PRRX2: variants seen among roughly 807,000 people sequenced by gnomAD.
PRRX2 encodes paired related homeobox 2.
PRRX2 carries 11 observed loss-of-function variants against 18.0 expected under a neutral mutation model. The observed-to-expected ratio is 0.61, with a 90% CI of 0.39 to 1.01. The LOEUF (loss-of-function observed/expected upper bound fraction) is 1.01. PRRX2 is among the 50% of genes least tolerant of loss of function. The pLI is 0.01. For missense variants in PRRX2, 387 were observed against 351.0 expected (o/e 1.10, Z -0.82); for synonymous variants, 177 against 154.8 (o/e 1.14, Z -1.06).
chr9:129,680,468 A>ACCCC (rs1222389125), intron 1 of PRRX2, among the ~76,000 whole-genome samples: 12 of 90,618 alleles, frequency 1.3e-4, no homozygotes, highest in South Asian at 4.9e-4. Context: ...TCTCTCTCCC[A>ACCCC]CCCCCCCCAC....
In PRRX2 at chr9:129,722,246, C is replaced by G; in HGVS notation, c.656C>G (p.Ser219Ter). The G allele has an allele frequency of 6.2e-7, 1 of 1,613,956 alleles. No homozygotes were observed. Among genetic ancestry groups the G allele is most frequent in the Non-Finnish European group, 8.5e-7 (1 of 1,179,978 alleles). ...STVPPYSPGS[S>*]GPATPGVNMA... ...GTGCCACCCTACAGCCCTGGGAGCT[C>G]AGGCCCCGCAACCCCAGGGGTCAAC... The change falls in exon 4 of 4, where the codon TCA (serine) becomes TGA (stop). Residue 219 changes from serine (S) to a stop codon, truncating the protein, a stop_gained. Coordinates refer to ENST00000372469, the MANE Select transcript of PRRX2 (RefSeq NM_016307.4). LOFTEE classifies it high-confidence loss of function.
chr9:129,710,580 A>C (rs1054634361), intron 1 of PRRX2, among the ~76,000 whole-genome samples: 6 of 152,146 alleles, frequency 3.9e-5, no homozygotes, highest in African/African-American at 1.4e-4. Flanking sequence ...AAAAATACAA[A>C]AAATTAGCTG....
intron 1 of PRRX2, among the ~76,000 whole-genome samples, chr9:129,706,381 C>T (rs1044057746): frequency 3.3e-5 from 5 of 151,902 alleles, no homozygotes; most frequent in East Asian, 1.9e-4. Context: ...AGGAGCAACC[C>T]GGTAAAACCC....
intron 1 of PRRX2, among the ~76,000 whole-genome samples, chr9:129,686,066 G>C (rs1177836071): frequency 6.6e-6 from 1 of 152,242 alleles, no homozygotes; most frequent in Non-Finnish European, 1.5e-5. Context: ...CATGTGCAAA[G>C]ACTGGAAGTA....
chr9:129,671,550 C>G lies in PRRX2; in HGVS notation c.259+5424C>G, dbSNP rs1214839116. On this transcript the variant is annotated intron_variant, in intron 1 of 3. Transcript: ENST00000372469. This position sits in a 1 kb window ranked among gnomAD's most constrained non-coding sequence, Gnocchi z 4.0. ...AGTAGTGACAGCGCCGGCTTACACA[C>G]CTCCCTTGAGGCCTGAAAAGAACCC... 6.6e-6 allele frequency among the ~76,000 whole-genome samples: 1 copy of G among 152,204 alleles called. No individual in the cohort carries two copies. Among genetic ancestry groups the G allele is most frequent in the Admixed American group, 6.5e-5 (1 of 15,286 alleles).
chr9:129,682,735 A>C (rs1832249520), intron 1 of PRRX2, among the ~76,000 whole-genome samples: 1 of 152,096 alleles, frequency 6.6e-6, no homozygotes, highest in African/African-American at 2.4e-5. Flanking sequence ...TGGCGGGGTC[A>C]AGGACAGCCC....
rs910660001 is a variant in PRRX2, at chr9:129,675,124, G to C, written c.259+8998G>C. Among the ~76,000 whole-genome samples, 1 of 152,186 alleles carries C rather than the reference G, an allele frequency of 6.6e-6. No homozygotes were observed. Among genetic ancestry groups the C allele is most frequent in the Non-Finnish European group, 1.5e-5 (1 of 68,028 alleles). On this transcript the variant is annotated intron_variant, in intron 1 of 3. Coordinates refer to ENST00000372469, the MANE Select transcript of PRRX2 (RefSeq NM_016307.4). This position sits in a 1 kb window ranked among gnomAD's most constrained non-coding sequence, Gnocchi z 4.4. ...GAGCTGCCGCAGGATGCATAAGGCTGGCTCTGGACCTGGAAGGGCCCGGAA... is the reference window on the plus strand; with the variant it reads ...GAGCTGCCGCAGGATGCATAAGGCTCGCTCTGGACCTGGAAGGGCCCGGAA...
Position 129,665,932 on chromosome 9 carries a change from C to G in PRRX2, c.65C>G (p.Pro22Arg). The G allele has an allele frequency of 1.8e-6, 2 of 1,122,560 alleles. No individual in the cohort carries two copies. Among genetic ancestry groups the G allele is most frequent in the Non-Finnish European group, 2.2e-6 (2 of 916,654 alleles). The allele number at this position is 1,122,560 out of a possible 1,614,324, so 69.5% of individuals were successfully genotyped here. Residue 22 changes from proline (P) to arginine (R), a missense_variant, in exon 1 of 4, where the codon CCT (proline) becomes CGT (arginine). Physicochemically the swap from Pro to Arg is moderately radical, Grantham distance 103 (BLOSUM62 -2). Transcript: ENST00000372469. This position sits in a 1 kb window ranked among gnomAD's most constrained non-coding sequence, Gnocchi z 5.3. ...KPALGPGPPP[P>R]PPALGPGDCA... Reference sequence around the variant, plus strand: ...GCGCTGGGCCCGGGGCCGCCGCCGCCTCCACCCGCGCTGGGGCCCGGCGAC... The same window carrying G: ...GCGCTGGGCCCGGGGCCGCCGCCGCGTCCACCCGCGCTGGGGCCCGGCGAC...
chr9:129,695,647 C>G lies in PRRX2; in HGVS notation c.260-23584C>G, dbSNP rs1352211174. ...GCTCTTCCTCCAGGCCCCCGCCACCCCAAACCTTTAACAGGAGACTTGGCT... is the reference window on the plus strand; with the variant it reads ...GCTCTTCCTCCAGGCCCCCGCCACCGCAAACCTTTAACAGGAGACTTGGCT... On this transcript the variant is annotated intron_variant, in intron 1 of 3. Transcript: ENST00000372469. The surrounding 1 kb of genome is among the most constrained non-coding windows in gnomAD (Gnocchi z 4.8). Among the ~76,000 whole-genome samples, 2 of 152,250 alleles carry G rather than the reference C, an allele frequency of 1.3e-5. No homozygotes were observed.
intron 1 of PRRX2, among the ~76,000 whole-genome samples, chr9:129,686,522 G>A (rs1167659767): frequency 2.6e-5 from 4 of 151,940 alleles, no homozygotes; most frequent in Non-Finnish European, 5.9e-5. Flanking sequence ...TTTTTTAAGA[G>A]GAGTCTTACT....
rs146834206 is a variant in PRRX2 at position 129,696,925 on chromosome 9, C to T, written c.260-22306C>T. Among the ~76,000 whole-genome samples, 885 of 152,216 alleles carry T rather than the reference C, an allele frequency of 5.8e-3. 4 individuals are homozygous for T. Among genetic ancestry groups the T allele is most frequent in the African/African-American group, 0.02 (832 of 41,546 alleles). On this transcript the variant is annotated intron_variant, in intron 1 of 3. Coordinates refer to ENST00000372469, the MANE Select transcript of PRRX2 (RefSeq NM_016307.4). ...CGCGGACCCCCCTGGGGCCAGAGTCCGATAGACCAGCTGAATGGCCGCTCT... is the reference window on the plus strand; with the variant it reads ...CGCGGACCCCCCTGGGGCCAGAGTCTGATAGACCAGCTGAATGGCCGCTCT...
intron 1 of PRRX2, among the ~76,000 whole-genome samples, chr9:129,669,366 C>T (rs1054559317): frequency 1.1e-4 from 17 of 152,234 alleles, no homozygotes; most frequent in African/African-American, 4.1e-4. Flanking sequence ...AAAACAAACC[C>T]TGGTTTGCTG....
At chr9:129,691,375 T>C (rs986828552) in intron 1 of PRRX2, among the ~76,000 whole-genome samples, 43 of 152,154 alleles carry the variant, frequency 2.8e-4, no homozygotes, top group African/African-American at 9.2e-4. Flanking sequence ...GAAATTATAT[T>C]TAAAACACAG....
intron 1 of PRRX2, among the ~76,000 whole-genome samples, chr9:129,689,501 C>T (rs1039672487): frequency 2.6e-5 from 4 of 152,200 alleles, no homozygotes; most frequent in Admixed American, 6.5e-5. Context: ...AAGTAGATGT[C>T]GCTTTTGCAG....
At chr9:129,690,906 AAG>A (rs1291329150) in intron 1 of PRRX2, among the ~76,000 whole-genome samples, 1 of 152,110 alleles carries the variant, frequency 6.6e-6, no homozygotes, top group Admixed American at 6.6e-5. Flanking sequence ...AGGCAAAAAT[AAG>A]ACCCTCTCCT....
At chr9:129,696,791 G>A (rs1832429382) in intron 1 of PRRX2, among the ~76,000 whole-genome samples, 1 of 151,180 alleles carries the variant, frequency 6.6e-6, no homozygotes, top group African/African-American at 2.4e-5. Context: ...GATCAAGGTT[G>A]CAGGTGCAGA....
intron 1 of PRRX2, among the ~76,000 whole-genome samples, chr9:129,684,130 C>A (rs1411009992): frequency 6.6e-6 from 1 of 152,138 alleles, no homozygotes; most frequent in Non-Finnish European, 1.5e-5. Context: ...TGAGGGGTTC[C>A]TGGAGTGGGA....
At chr9:129,701,472 G>A (rs1832496225) in intron 1 of PRRX2, among the ~76,000 whole-genome samples, 1 of 152,220 alleles carries the variant, frequency 6.6e-6, no homozygotes, top group Admixed American at 6.5e-5. Context: ...GCCAGAACCA[G>A]AATGCAGCTA....
rs1165343797 is a variant in PRRX2 at position 129,684,532 on chromosome 9, A to ACACACACACACACACACC, written c.259+18407_259+18408insACACACACACACACACCC. Reference sequence around the variant, plus strand: ...CACACACACACACACACCCACACACACCCCAACAGAAAAGAGACCAGAAAT... The same window carrying ACACACACACACACACACC: ...CACACACACACACACACCCACACACACACACACACACACACACCCCCCAACAGAAAAGAGACCAGAAAT... On this transcript the variant is annotated intron_variant, in intron 1 of 3. Transcript: ENST00000372469. Among the ~76,000 whole-genome samples the ACACACACACACACACACC allele has an allele frequency of 1.2e-3, 174 of 140,360 alleles. 3 individuals are homozygous for ACACACACACACACACACC. The highest frequency in any genetic ancestry group is 1.4e-3 in the Non-Finnish European group (93 of 65,786). 92.1% of individuals were successfully genotyped at this position (140,360 alleles called of 152,430 possible).
Sources: gnomAD v4.1 joint callset for allele counts (sites outside exome capture counted in the v4.1 genomes callset) on GRCh38, gnomAD v4.1.1 for gene constraint, Gnocchi (gnomAD v3.1) non-coding constraint, MANE v1.5 for transcripts, NCBI Gene and HGNC (gene_info 2026-07-23, HGNC 2026-07-21) for gene names.